GPR39: variants seen among roughly 807,000 people sequenced by gnomAD.
The protein encoded by GPR39 is zinc sensing receptor.
In GPR39, 23 loss-of-function variants were observed where a neutral mutation model predicts 18.4. The observed-to-expected ratio is 1.25, with a 90% CI of 0.90 to 1.77. The LOEUF is 1.77. Among genes scored for constraint, GPR39 ranks in the 40% most tolerant of loss-of-function variants. The pLI is 0.00. For missense variants in GPR39, 647 were observed against 602.4 expected, an observed-to-expected ratio of 1.07 and a Z score of -0.78; for synonymous variants, 280 against 257.9, an observed-to-expected ratio of 1.09 and a Z score of -0.82.
intron 1 of GPR39, among the ~76,000 whole-genome samples, chr2:132,529,332 G>A (rs1429919015): frequency 6.6e-6 from 1 of 152,238 alleles, no homozygotes; most frequent in Non-Finnish European, 1.5e-5. Flanking sequence ...GCCGAGGCTT[G>A]AGTAGGTAAA....
intron 1 of GPR39, among the ~76,000 whole-genome samples, chr2:132,564,553 A>T (rs1277412033): frequency 6.6e-6 from 1 of 151,424 alleles, no homozygotes; most frequent in African/African-American, 2.4e-5. Context: ...CTGTTTTCTC[A>T]CCCCTTCCTC....
At chr2:132,597,290 T>A (rs747144991) in intron 1 of GPR39, among the ~76,000 whole-genome samples, 46 of 152,192 alleles carry the variant, frequency 3.0e-4, no homozygotes, top group South Asian at 8.3e-4. Flanking sequence ...AACATCAGCT[T>A]CCCAGCCTGG....
intron 1 of GPR39, among the ~76,000 whole-genome samples, chr2:132,596,332 C>G (rs1425284728): frequency 6.6e-6 from 1 of 151,702 alleles, no homozygotes; most frequent in East Asian, 1.9e-4. Flanking sequence ...TTTCCTTACT[C>G]CCCTTTTCCT....
intron 1 of GPR39, among the ~76,000 whole-genome samples, chr2:132,546,213 C>T (rs931481277): frequency 5.9e-5 from 9 of 152,130 alleles, no homozygotes; most frequent in Non-Finnish European, 5.9e-5. Context: ...TTGTTCAACA[C>T]AGATTACGGG....
intron 1 of GPR39, among the ~76,000 whole-genome samples, chr2:132,505,601 A>G (rs113311768): frequency 6.6e-6 from 1 of 152,068 alleles, no homozygotes; most frequent in South Asian, 2.1e-4. Context: ...TACTCTCTAC[A>G]TTCATAGGAT....
chr2:132,550,062 T>C (rs1376083498), intron 1 of GPR39, among the ~76,000 whole-genome samples: 1 of 152,194 alleles, frequency 6.6e-6, no homozygotes, highest in Admixed American at 6.5e-5. Context: ...CTCTATTTTC[T>C]GGCCCAGAAT....
intron 1 of GPR39, among the ~76,000 whole-genome samples, chr2:132,462,677 G>A (rs988228230): frequency 2.0e-5 from 3 of 152,068 alleles, no homozygotes; most frequent in East Asian, 3.9e-4. Context: ...TAATAGTATA[G>A]AGTTTAAAGT....
At chr2:132,548,295 C>CTA (rs1679984042) in intron 1 of GPR39, among the ~76,000 whole-genome samples, 2 of 152,312 alleles carry the variant, frequency 1.3e-5, no homozygotes, top group Non-Finnish European at 2.9e-5. Context: ...TGCACTATTG[C>CTA]TAAAGGTCTT....
intron 1 of GPR39, among the ~76,000 whole-genome samples, chr2:132,470,747 G>A (rs1193733207): frequency 6.6e-6 from 1 of 151,266 alleles, no homozygotes; most frequent in Non-Finnish European, 1.5e-5. Context: ...GGGAGACAGG[G>A]AGGGCACGGA....
chr2:132,569,781 GT>G (rs1680411318), intron 1 of GPR39, among the ~76,000 whole-genome samples: 1 of 152,048 alleles, frequency 6.6e-6, no homozygotes, highest in Non-Finnish European at 1.5e-5. Context: ...GAATCATGGG[GT>G]CAGGTCTTTC....
At chr2:132,494,932 C>A (rs1364631241) in intron 1 of GPR39, among the ~76,000 whole-genome samples, 1 of 151,876 alleles carries the variant, frequency 6.6e-6, no homozygotes, top group Non-Finnish European at 1.5e-5. Context: ...GGTTTTGAGA[C>A]AAAAGAAATG....
intron 1 of GPR39, among the ~76,000 whole-genome samples, chr2:132,577,740 A>T (rs185530524): frequency 6.6e-6 from 1 of 152,242 alleles, no homozygotes; most frequent in East Asian, 1.9e-4. Flanking sequence ...GTATCCTGTA[A>T]CCTTATTGAA....
chr2:132,548,243 G>A (rs1030827992), intron 1 of GPR39, among the ~76,000 whole-genome samples: 2 of 152,128 alleles, frequency 1.3e-5, no homozygotes, highest in Non-Finnish European at 2.9e-5. Context: ...GTGCTGAAGT[G>A]CAATTTTTCA....
At position 132,531,589 on chromosome 2, in the gene GPR39, G is replaced by A. The variant is rs1483988801; in HGVS notation, c.857-113512G>A. ...CCACACCTATTCCAAAATTGACCAC[G>A]TAGTTGGAAGTAAAGCTCTCCTCAG... On this transcript the variant is annotated intron_variant, in intron 1 of 1. Coordinates refer to ENST00000329321, the MANE Select transcript of GPR39 (RefSeq NM_001508.3). Among the ~76,000 whole-genome samples the A allele has an allele frequency of 1.8e-4, 27 of 152,222 alleles. 1 individual carries two copies. Among genetic ancestry groups the A allele is most frequent in the African/African-American group, 4.1e-4 (17 of 41,532 alleles).
intron 1 of GPR39, among the ~76,000 whole-genome samples, chr2:132,640,717 C>T (rs779278633): frequency 7.9e-5 from 12 of 152,110 alleles, no homozygotes; most frequent in Admixed American, 2.6e-4. Context: ...TCTATTAGGG[C>T]GTGAATAAGA....
At chr2:132,448,306 A>G (rs1395959887) in intron 1 of GPR39, among the ~76,000 whole-genome samples, 1 of 152,152 alleles carries the variant, frequency 6.6e-6, no homozygotes, top group Non-Finnish European at 1.5e-5. Flanking sequence ...TGGGGTGTGG[A>G]TAGTTTTGGT....
chr2:132,461,812 C>A (rs1341659198), intron 1 of GPR39, among the ~76,000 whole-genome samples: 1 of 152,168 alleles, frequency 6.6e-6, no homozygotes, highest in Non-Finnish European at 1.5e-5. Flanking sequence ...CTCCTGGCAG[C>A]CATTGCCCCA....
At chr2:132,423,640 C>G (rs1573594515) in intron 1 of GPR39, among the ~76,000 whole-genome samples, 1 of 152,170 alleles carries the variant, frequency 6.6e-6, no homozygotes, top group East Asian at 1.9e-4. Flanking sequence ...TCCCCTTCCC[C>G]AGGTTAATAT....
chr2:132,551,539 T>C (rs1384569501), intron 1 of GPR39, among the ~76,000 whole-genome samples: 2 of 152,200 alleles, frequency 1.3e-5, no homozygotes, highest in African/African-American at 4.8e-5. Context: ...AGTACAAGCT[T>C]GATGCAAGGA....
Sources: gnomAD v4.1 joint callset for allele counts (sites outside exome capture counted in the v4.1 genomes callset) on GRCh38, gnomAD v4.1.1 for gene constraint, MANE v1.5 for transcripts, NCBI Gene and HGNC (gene_info 2026-07-23, HGNC 2026-07-21) for gene names.